TUT7: variants seen among roughly 807,000 people sequenced by gnomAD.
The protein encoded by TUT7 is terminal uridylyl transferase 7, also known as terminal uridylyltransferase 7.
In TUT7, 33 loss-of-function variants were observed where a neutral mutation model predicts 165.9. The observed-to-expected ratio is 0.20, with a 90% CI of 0.15 to 0.27. The LOEUF is 0.27. TUT7 is among the 10% of genes least tolerant of loss of function. TUT7 has a pLI of 1.00. For missense variants in TUT7, 1,338 were observed against 1,762.3 expected (o/e 0.76, Z 4.31); for synonymous variants, 552 against 608.1 (o/e 0.91, Z 1.36).
chr9:86,349,057 T>C (rs1832035950), intron 2 of TUT7, among the ~76,000 whole-genome samples: 1 of 152,120 alleles, frequency 6.6e-6, no homozygotes, highest in Admixed American at 6.5e-5. Flanking sequence ...GGCAGGTGGA[T>C]CACCTGAGGT....
Position 86,298,696 on chromosome 9 carries a change from C to G in TUT7, c.4420+2580G>C, listed in dbSNP as rs989114604. The G allele has an allele frequency of 1.4e-5, 11 of 775,862 alleles. No homozygotes were observed. The African/African-American group carries it at 1.9e-4, about 13-fold the overall frequency. The allele number at this position is 775,862 out of a possible 1,614,324, so 48.1% of individuals were successfully genotyped here. Reference sequence around the variant, plus strand: ...AAAAGCACATATTTGGAGAAAAAGTCTCAAAAGGCATGTGGTAAAGTATGC... The same window carrying G: ...AAAAGCACATATTTGGAGAAAAAGTGTCAAAAGGCATGTGGTAAAGTATGC... On this transcript the variant is annotated intron_variant, in intron 26 of 26. Transcript: ENST00000375963.
rs1826588448 is a variant in TUT7 at position 86,298,739 on chromosome 9, A to T, written c.4420+2537T>A. On this transcript the variant is annotated intron_variant, in intron 26 of 26. Transcript: ENST00000375963. ...AAGTATGCAGTAAATAAAATAACAC[A>T]CATTTGTTTTTTTTAAAACCCACAT... 9 of 964,738 alleles carry T rather than the reference A, an allele frequency of 9.3e-6. No homozygotes were observed. In the South Asian group the frequency reaches 3.8e-4, roughly 41 times the overall value. The allele number at this position is 964,738 out of a possible 1,614,324, so 59.8% of individuals were successfully genotyped here.
intron 11 of TUT7, among the ~76,000 whole-genome samples, chr9:86,327,757 T>C (rs530307717): frequency 6.6e-6 from 1 of 152,326 alleles, no homozygotes; most frequent in East Asian, 1.9e-4. Context: ...CTTGTTTGTA[T>C]AAAGCTGGGA....
chr9:86,312,948 C>G (rs1167879722), intron 17 of TUT7, among the ~76,000 whole-genome samples: 1 of 151,840 alleles, frequency 6.6e-6, no homozygotes, highest in Non-Finnish European at 1.5e-5. Context: ...TCCCTAATCT[C>G]AAGTACCCAG....
Position 86,323,925 on chromosome 9 carries a change from G to A in TUT7, c.1825C>T (p.Leu609=), listed in dbSNP as rs946645787. 5.0e-6 allele frequency: 8 copies of A among 1,603,204 alleles called. No individual in the cohort carries two copies. The African/African-American group carries it at 9.4e-5, about 19-fold the overall frequency. The change falls in exon 13 of 27, where the codon CTA becomes TTA. Residue 609 remains leucine (L), a synonymous_variant. Transcript: ENST00000375963. ...TATTCAAACACAGGTTGACTATTTA[G>A]GGTTCTTGCCACATTTCTTTTAACA... The part of the protein sequence containing the change: ...YSVKRNVART[L]NSQPVFEYIL...
chr9:86,307,657 C>T (rs961364324), intron 22 of TUT7, among the ~76,000 whole-genome samples: 1 of 152,148 alleles, frequency 6.6e-6, no homozygotes, highest in Non-Finnish European at 1.5e-5. Flanking sequence ...AAACAATCAA[C>T]TATTAGCATC....
At chr9:86,312,084 G>A (rs1352651620) in intron 17 of TUT7, among the ~76,000 whole-genome samples, 69 of 151,482 alleles carry the variant, frequency 4.6e-4, no homozygotes, top group African/African-American at 1.4e-3. Context: ...GCCGCCCATC[G>A]TCTGGGATGT....
At chr9:86,316,111 C>G (rs1315170622) in intron 17 of TUT7, among the ~76,000 whole-genome samples, 1 of 152,166 alleles carries the variant, frequency 6.6e-6, no homozygotes, top group African/African-American at 2.4e-5. Flanking sequence ...CTTTCATTTT[C>G]AGCTCTTAGC....
chr9:86,323,422 G>A lies in TUT7; in HGVS notation c.2328C>T (p.Gly776=). The change falls in exon 13 of 27, where the codon GGC becomes GGT. Residue 776 remains glycine, a synonymous_variant. Transcript: ENST00000375963. ...DQKRGEHVVC[G]STRNNESEST... ...TCTCTGACTCATTATTACGTGTGCT[G>A]CCACAGACAACATGCTCTCCACGTT... 1 of 1,614,170 alleles carries A rather than the reference G, an allele frequency of 6.2e-7. No individual in the cohort carries two copies. The highest frequency in any genetic ancestry group is 1.3e-5 in the African/African-American group (1 of 75,038).
intron 6 of TUT7, 78 bp downstream of exon 6, chr9:86,342,997 T>C (rs2131579527): frequency 2.1e-6 from 2 of 956,242 alleles, no homozygotes; most frequent in Non-Finnish European, 3.2e-6. Context: ...ATCTAAAATA[T>C]ATTCATAGAC....
chr9:86,308,134 C>T (rs1827692767), intron 22 of TUT7, among the ~76,000 whole-genome samples: 1 of 152,132 alleles, frequency 6.6e-6, no homozygotes, highest in South Asian at 2.1e-4. Flanking sequence ...TCTTCAAACC[C>T]CCCAACAGGA....
At chr9:86,329,797 T>C (rs1346264411) in intron 10 of TUT7, among the ~76,000 whole-genome samples, 2 of 152,100 alleles carry the variant, frequency 1.3e-5, no homozygotes, top group South Asian at 2.1e-4. Flanking sequence ...TCTTCTTGGC[T>C]CAGAGATGAC....
At chr9:86,312,461 C>T (rs954913589) in intron 17 of TUT7, among the ~76,000 whole-genome samples, 15 of 151,830 alleles carry the variant, frequency 9.9e-5, no homozygotes, top group African/African-American at 2.9e-4. Context: ...CGTCTCCACC[C>T]GGCAGCCACC....
Position 86,343,164 on chromosome 9 carries a change from C to A in TUT7, c.998-1G>T. 2 of 1,514,658 alleles carry A rather than the reference C, an allele frequency of 1.3e-6. No homozygotes were observed. The highest frequency in any genetic ancestry group is 1.3e-5 in the South Asian group (1 of 75,262). The allele number at this position is 1,514,658 out of a possible 1,614,324, so 93.8% of individuals were successfully genotyped here. The stretch of plus-strand genomic sequence containing the variant: ...GACCCATATAATCTTAGGGAACAAT[C>A]TAAAAAATAAATAAATAAATAAAAG... On this transcript the variant is annotated splice_acceptor_variant, in intron 5 of 26. Transcript: ENST00000375963. LOFTEE classifies it high-confidence loss of function.
At chr9:86,340,947 T>C (rs1831271754) in intron 7 of TUT7, 55 bp downstream of exon 7, 5 of 1,361,918 alleles carry the variant, frequency 3.7e-6, no homozygotes, top group South Asian at 1.2e-5. Context: ...AGAAATAAGA[T>C]AGATCCAAAT....
In TUT7 at chr9:86,322,900, G is replaced by T; in HGVS notation, c.2850C>A (p.Phe950Leu). ...TGCCTTTGGTGAAGATAAGTTTACT[G>T]AATTCATAAAAAAAATCAGACTGAT... ...PVDQSDFFYE[F>L]SKLIFTKGKS... The change falls in exon 13 of 27, where the codon TTC (phenylalanine) becomes TTA (leucine). Residue 950 changes from phenylalanine (F) to leucine (L), a missense_variant. Transcript: ENST00000375963. 2 of 1,606,044 alleles carry T rather than the reference G, an allele frequency of 1.2e-6. No individual in the cohort carries two copies. Among genetic ancestry groups the T allele is most frequent in the South Asian group, 2.2e-5 (2 of 89,414 alleles).
chr9:86,303,025 T>C (rs1473308353), intron 25 of TUT7, 61 bp downstream of exon 25: 1 of 755,086 alleles, frequency 1.3e-6, no homozygotes, highest in Non-Finnish European at 2.2e-6. Context: ...TAGTACCTCA[T>C]TTAAAAATTG....
At chr9:86,332,526 T>C (rs934997342) in intron 10 of TUT7, among the ~76,000 whole-genome samples, 3 of 151,964 alleles carry the variant, frequency 2.0e-5, no homozygotes, top group Non-Finnish European at 4.4e-5. Context: ...AAGGGAACAA[T>C]GGACACTGGG....
chr9:86,335,300 A>G (rs1386475258), intron 10 of TUT7, among the ~76,000 whole-genome samples: 1 of 152,204 alleles, frequency 6.6e-6, no homozygotes, highest in Non-Finnish European at 1.5e-5. Flanking sequence ...TGGCATCTCT[A>G]AAGTATGAAT....
Sources: gnomAD v4.1 joint callset for allele counts (sites outside exome capture counted in the v4.1 genomes callset) on GRCh38, gnomAD v4.1.1 for gene constraint, MANE v1.5 for transcripts, NCBI Gene and HGNC (gene_info 2026-07-23, HGNC 2026-07-21) for gene names.